Variants in GBE1 observed in about 807,000 individuals in gnomAD.
GBE1 encodes the protein 1,4-alpha-glucan-branching enzyme.
Under a neutral mutation model 88.8 loss-of-function variants are expected in GBE1, and 70 were observed. That is an observed-to-expected ratio of 0.79 (90% CI 0.65 to 0.96). GBE1 has a LOEUF of 0.96. Ranked by LOEUF, GBE1 falls within the 40% of genes least tolerant of loss-of-function variation. The probability of loss-of-function intolerance (pLI) is 0.00; values close to 1 mark genes in which losing one functional copy is unlikely to be tolerated. For synonymous variants in GBE1, 284 were observed against 300.1 expected, an observed-to-expected ratio of 0.95 and a Z score of 0.56; for missense variants, 872 against 871.0, an observed-to-expected ratio of 1.00 and a Z score of -0.01.
At chr3:81,512,014 A>T (rs2106829447) in intron 14 of GBE1, among the ~76,000 whole-genome samples, 1 of 152,174 alleles carries the variant, frequency 6.6e-6, no homozygotes, top group East Asian at 1.9e-4. Flanking sequence ...CTACACAGCC[A>T]TTGAAAAGAT....
intron 1 of GBE1, among the ~76,000 whole-genome samples, chr3:81,714,864 T>C (rs1705920280): frequency 6.6e-6 from 1 of 152,140 alleles, no homozygotes; most frequent in South Asian, 2.1e-4. Context: ...TATCCTGACA[T>C]GGTAGACAGG....
At chr3:81,655,513 A>ATTGTTG (rs60326449) in intron 3 of GBE1, among the ~76,000 whole-genome samples, 55 of 151,668 alleles carry the variant, frequency 3.6e-4, no homozygotes, top group African/African-American at 1.1e-3. Flanking sequence ...TGTTTTTGTT[A>ATTGTTG]TTGTTGTTGT....
chr3:81,743,360 A>T lies in GBE1; in HGVS notation c.143+18015T>A, dbSNP rs533428899. 7.9e-5 allele frequency among the ~76,000 whole-genome samples: 12 copies of T among 152,274 alleles called. No individual in the cohort carries two copies. In the East Asian group the frequency reaches 1.9e-3, roughly 24 times the overall value. ...AAGTATGAACACTGAAGAAACTACC[A>T]TCTAGAGAAAACAAGAAAAGCAAGT... On this transcript the variant is annotated intron_variant, in intron 1 of 15. Transcript: ENST00000429644.
At chr3:81,660,604 T>A (rs1418615523) in intron 3 of GBE1, among the ~76,000 whole-genome samples, 1 of 152,004 alleles carries the variant, frequency 6.6e-6, no homozygotes, top group African/African-American at 2.4e-5. Context: ...TTAAAAAAAA[T>A]TATATGTTCA....
At chr3:81,592,016 G>C (rs1419697560) in intron 8 of GBE1, among the ~76,000 whole-genome samples, 1 of 151,356 alleles carries the variant, frequency 6.6e-6, no homozygotes, top group African/African-American at 2.4e-5. Context: ...ATATTTAATT[G>C]ACAAATAAAA....
intron 1 of GBE1, among the ~76,000 whole-genome samples, chr3:81,729,177 C>T (rs994128835): frequency 6.6e-6 from 1 of 152,074 alleles, no homozygotes; most frequent in African/African-American, 2.4e-5. Context: ...ATAGTATATA[C>T]AAGACCAGAC....
chr3:81,725,880 G>T (rs1174552896), intron 1 of GBE1, among the ~76,000 whole-genome samples: 4 of 152,152 alleles, frequency 2.6e-5, no homozygotes, highest in Non-Finnish European at 4.4e-5. Context: ...GGCATGACAT[G>T]AGCTGTGTTT....
chr3:81,586,081 TG>T lies in GBE1; in HGVS notation c.1335+10del. 2 of 1,535,114 alleles carry T rather than the reference TG, an allele frequency of 1.3e-6. No individual in the cohort carries two copies. Among genetic ancestry groups the T allele is most frequent in the Non-Finnish European group, 1.8e-6 (2 of 1,116,842 alleles). ...TTCACAGAAACAAAAAATATTTACATGGACTCTTACCTGAATCCACTTATCT... is the reference window on the plus strand; with the variant it reads ...TTCACAGAAACAAAAAATATTTACATGACTCTTACCTGAATCCACTTATCT... On this transcript the variant is annotated intron_variant, in intron 10 of 15. Coordinates refer to ENST00000429644, the MANE Select transcript of GBE1 (RefSeq NM_000158.4).
intron 1 of GBE1, among the ~76,000 whole-genome samples, chr3:81,761,142 G>C (rs1268923716): frequency 6.6e-6 from 1 of 152,222 alleles, no homozygotes; most frequent in East Asian, 1.9e-4. Flanking sequence ...GGGGAAAGGG[G>C]ATGAGGAAAG....
chr3:81,537,922 C>G (rs760190606), intron 12 of GBE1, among the ~76,000 whole-genome samples: 1 of 151,844 alleles, frequency 6.6e-6, no homozygotes, highest in Non-Finnish European at 1.5e-5. Context: ...TAAAATAAAA[C>G]AGTAACAAAT....
chr3:81,739,564 C>T (rs1409562218), intron 1 of GBE1, among the ~76,000 whole-genome samples: 4 of 152,138 alleles, frequency 2.6e-5, no homozygotes, highest in Non-Finnish European at 5.9e-5. Flanking sequence ...AGTGAGTTAA[C>T]GCCTGTCTCA....
At chr3:81,699,217 G>A (rs1038431624) in intron 2 of GBE1, among the ~76,000 whole-genome samples, 1 of 152,148 alleles carries the variant, frequency 6.6e-6, no homozygotes, top group Non-Finnish European at 1.5e-5. Context: ...AGAACCCAGA[G>A]GGAGTTGAAA....
intron 1 of GBE1, among the ~76,000 whole-genome samples, chr3:81,761,099 A>G (rs1706675180): frequency 6.6e-6 from 1 of 152,246 alleles, no homozygotes; most frequent in South Asian, 2.1e-4. Flanking sequence ...CACAGCACGT[A>G]CCCTATGGCG....
At chr3:81,574,241 G>C in intron 12 of GBE1, among the ~76,000 whole-genome samples, 1 of 152,072 alleles carries the variant, frequency 6.6e-6, no homozygotes, top group East Asian at 1.9e-4. Context: ...ATGGAATTAG[G>C]ACATCAGCAT....
At chr3:81,741,076 C>T (rs1706343560) in intron 1 of GBE1, among the ~76,000 whole-genome samples, 1 of 152,028 alleles carries the variant, frequency 6.6e-6, no homozygotes, top group South Asian at 2.1e-4. Flanking sequence ...TATAATTGAG[C>T]CTTAACTAAA....
intron 14 of GBE1, among the ~76,000 whole-genome samples, chr3:81,522,338 C>T (rs1702885855): frequency 1.3e-5 from 2 of 151,468 alleles, no homozygotes; most frequent in South Asian, 4.1e-4. Context: ...CTTAGCACTG[C>T]AAAGTATTCG....
At chr3:81,601,924 T>C (rs1704038692) in intron 7 of GBE1, among the ~76,000 whole-genome samples, 1 of 152,234 alleles carries the variant, frequency 6.6e-6, no homozygotes, top group African/African-American at 2.4e-5. Flanking sequence ...GACACAGCTA[T>C]GAACAGCAAA....
chr3:81,647,285 T>C (rs1469456663), intron 5 of GBE1, among the ~76,000 whole-genome samples: 2 of 152,210 alleles, frequency 1.3e-5, no homozygotes, highest in African/African-American at 4.8e-5. Context: ...ACAGTCAGCA[T>C]TAATGCTTCT....
chr3:81,720,945 G>A lies in GBE1; in HGVS notation c.144-15332C>T, dbSNP rs538721768. ...AAACCATCATTCTCAGTAAACTATC[G>A]CAAGAACAAAAAACCAAACACCGCA... On this transcript the variant is annotated intron_variant, in intron 1 of 15. Coordinates refer to ENST00000429644, the MANE Select transcript of GBE1 (RefSeq NM_000158.4). 5.6e-3 allele frequency among the ~76,000 whole-genome samples: 727 copies of A among 128,942 alleles called. 7 individuals are homozygous for A. The highest frequency in any genetic ancestry group is 8.9e-3 in the Non-Finnish European group (555 of 62,644). 84.6% of individuals were successfully genotyped at this position (128,942 alleles called of 152,430 possible).
Sources: gnomAD v4.1 joint callset for allele counts (sites outside exome capture counted in the v4.1 genomes callset) on GRCh38, gnomAD v4.1.1 for gene constraint, MANE v1.5 for transcripts, NCBI Gene and HGNC (gene_info 2026-07-23, HGNC 2026-07-21) for gene names.